EPHA6: variants seen among roughly 807,000 people sequenced by gnomAD.
The protein encoded by EPHA6 is ephrin type-A receptor 6.
Under a neutral mutation model 112.0 loss-of-function variants are expected in EPHA6, and 50 were observed. That is an observed-to-expected ratio of 0.45 (90% CI 0.36 to 0.56). The LOEUF (loss-of-function observed/expected upper bound fraction) is 0.56, where lower values mean the gene tolerates loss of function less well. EPHA6 is among the 20% of genes least tolerant of loss of function. EPHA6 has a pLI of 0.00. For synonymous variants in EPHA6, 529 were observed against 490.7 expected, an observed-to-expected ratio of 1.08 and a Z score of -1.03; for missense variants, 1,280 against 1,417.4, an observed-to-expected ratio of 0.90 and a Z score of 1.56.
intron 10 of EPHA6, among the ~76,000 whole-genome samples, chr3:97,497,799 A>G (rs1347720599): frequency 1.3e-5 from 2 of 152,012 alleles, no homozygotes; most frequent in African/African-American, 2.4e-5. Flanking sequence ...AAAAGAATGC[A>G]TCAGACTCTC....
rs970749732 is a variant in EPHA6, at chr3:96,847,653, G to T, written c.386-19172G>T. 5.3e-5 allele frequency among the ~76,000 whole-genome samples: 8 copies of T among 152,058 alleles called. No individual in the cohort carries two copies. In the East Asian group the frequency reaches 1.5e-3, roughly 29 times the overall value. On this transcript the variant is annotated intron_variant, in intron 1 of 17. Coordinates refer to ENST00000389672, the MANE Select transcript of EPHA6 (RefSeq NM_001080448.3). Reference sequence around the variant, plus strand: ...TCTAGGGTTGTAATCTTTAAGAAGAGAATTATACAAGAAGTTATTTTTGCT... The same window carrying T: ...TCTAGGGTTGTAATCTTTAAGAAGATAATTATACAAGAAGTTATTTTTGCT...
At chr3:96,989,111 T>C (rs2043126482) in intron 3 of EPHA6, among the ~76,000 whole-genome samples, 1 of 152,184 alleles carries the variant, frequency 6.6e-6, no homozygotes, top group African/African-American at 2.4e-5. Context: ...CTTGAGTTTA[T>C]TGATTTCTTT....
At position 97,405,161 on chromosome 3, in the gene EPHA6, A is replaced by T; in HGVS notation, c.1618A>T (p.Ile540Leu). 1.3e-6 allele frequency: 2 copies of T among 1,598,326 alleles called. No homozygotes were observed. Among genetic ancestry groups the T allele is most frequent in the Non-Finnish European group, 1.7e-6 (2 of 1,171,110 alleles). ...TTCTTTCCTTTCAGCACCTTCCCTG[A>T]TAGGTGTGGTAAGGAAGGACTGGGC... ...VTTDQDAPSLIGVVRKDWASQ... is the reference protein window; with the variant it reads ...VTTDQDAPSLLGVVRKDWASQ... Residue 540 changes from isoleucine to leucine, a missense_variant, in exon 6 of 18, where the codon ATA (isoleucine) becomes TTA (leucine). Coordinates refer to ENST00000389672, the MANE Select transcript of EPHA6 (RefSeq NM_001080448.3).
intron 14 of EPHA6, among the ~76,000 whole-genome samples, chr3:97,662,576 C>T (rs543343084): frequency 2.4e-4 from 37 of 152,212 alleles, no homozygotes; most frequent in Admixed American, 1.7e-3. Context: ...AAATATTCTC[C>T]GCTCCTCCTT....
chr3:97,568,317 G>A (rs1433957104), intron 11 of EPHA6, among the ~76,000 whole-genome samples: 1 of 152,104 alleles, frequency 6.6e-6, no homozygotes, highest in Non-Finnish European at 1.5e-5. Context: ...TTATCCTCCA[G>A]TTCATCCTAT....
At chr3:97,258,372 G>C (rs2079388066) in intron 5 of EPHA6, among the ~76,000 whole-genome samples, 1 of 151,808 alleles carries the variant, frequency 6.6e-6, no homozygotes. Flanking sequence ...TTTGCCCCTT[G>C]GTGGTAAAGT....
rs1382242123 is a variant in EPHA6, at chr3:97,244,306, C to A, written c.1606+19C>A. On this transcript the variant is annotated intron_variant, in intron 5 of 17. Coordinates refer to ENST00000389672, the MANE Select transcript of EPHA6 (RefSeq NM_001080448.3). ...CAAGATGGTAAGTTCCACTGCTGTT[C>A]TCTCAAAACAGACCCATAATTTCTT... 3 of 1,602,588 alleles carry A rather than the reference C, an allele frequency of 1.9e-6. No individual in the cohort carries two copies. In the South Asian group the frequency reaches 3.3e-5, roughly 18 times the overall value.
intron 11 of EPHA6, among the ~76,000 whole-genome samples, chr3:97,568,099 TGTAA>T (rs1376904967): frequency 2.0e-5 from 3 of 152,330 alleles, no homozygotes; most frequent in East Asian, 3.9e-4. Flanking sequence ...AAAGACTTGC[TGTAA>T]GCCTGGGCCC....
chr3:97,126,427 G>A (rs963112018), intron 3 of EPHA6, among the ~76,000 whole-genome samples: 1 of 152,100 alleles, frequency 6.6e-6, no homozygotes, highest in South Asian at 2.1e-4. Context: ...CAAAAAGCAC[G>A]ATGAAAAAGT....
At chr3:97,084,515 C>A (rs763431197) in intron 3 of EPHA6, among the ~76,000 whole-genome samples, 1 of 151,934 alleles carries the variant, frequency 6.6e-6, no homozygotes, top group African/African-American at 2.4e-5. Context: ...CAACAACAGG[C>A]AAAACTTTAA....
intron 2 of EPHA6, among the ~76,000 whole-genome samples, chr3:96,917,125 A>C (rs189002097): frequency 3.2e-4 from 49 of 152,242 alleles, no homozygotes; most frequent in Non-Finnish European, 5.1e-4. Context: ...CACACAAACA[A>C]ACACACATTT....
intron 2 of EPHA6, among the ~76,000 whole-genome samples, chr3:96,917,099 A>G (rs2039519408): frequency 6.6e-6 from 1 of 151,966 alleles, no homozygotes; most frequent in African/African-American, 2.4e-5. Flanking sequence ...TATTGTTCAT[A>G]TTGCAACCCA....
At chr3:97,075,595 T>G (rs2046491357) in intron 3 of EPHA6, among the ~76,000 whole-genome samples, 1 of 152,060 alleles carries the variant, frequency 6.6e-6, no homozygotes, top group African/African-American at 2.4e-5. Flanking sequence ...AGGATACATG[T>G]ATAATGGAAA....
chr3:97,130,261 C>T lies in EPHA6; in HGVS notation c.1115-96003C>T, dbSNP rs533282176. 5.3e-5 allele frequency among the ~76,000 whole-genome samples: 8 copies of T among 151,962 alleles called. No individual in the cohort carries two copies. The South Asian group carries it at 6.2e-4, about 12-fold the overall frequency. ...CCCTTCCTACATTCTCTTACCATCT[C>T]GGGGTTGTTTTTTTCTCTTTTTCTT... On this transcript the variant is annotated intron_variant, in intron 3 of 17. Coordinates refer to ENST00000389672, the MANE Select transcript of EPHA6 (RefSeq NM_001080448.3).
At chr3:97,567,825 G>T (rs1253885662) in intron 11 of EPHA6, among the ~76,000 whole-genome samples, 1 of 152,108 alleles carries the variant, frequency 6.6e-6, no homozygotes, top group Non-Finnish European at 1.5e-5. Context: ...GCTATGCAAG[G>T]CCTCCTGGGA....
intron 2 of EPHA6, among the ~76,000 whole-genome samples, chr3:96,919,694 GTGT>G (rs1389265043): frequency 6.6e-6 from 1 of 151,832 alleles, no homozygotes; most frequent in African/African-American, 2.4e-5. Context: ...GTAGAAATGT[GTGT>G]CCATCTCCAA....
chr3:97,161,123 A>G (rs1194164722), intron 3 of EPHA6, among the ~76,000 whole-genome samples: 1 of 152,064 alleles, frequency 6.6e-6, no homozygotes, highest in African/African-American at 2.4e-5. Flanking sequence ...TGCATGCCCA[A>G]CTTTATGGCT....
chr3:97,069,676 A>G (rs980665983), intron 3 of EPHA6, among the ~76,000 whole-genome samples: 3 of 152,172 alleles, frequency 2.0e-5, no homozygotes, highest in Admixed American at 6.6e-5. Flanking sequence ...ACAGCTGTAA[A>G]CACAATAAAG....
intron 14 of EPHA6, among the ~76,000 whole-genome samples, chr3:97,672,732 G>A (rs1379085102): frequency 1.3e-5 from 2 of 152,144 alleles, no homozygotes; most frequent in Non-Finnish European, 2.9e-5. Context: ...ATTGGAATGA[G>A]TTCTTCTTAA....
Sources: gnomAD v4.1 joint callset for allele counts (sites outside exome capture counted in the v4.1 genomes callset) on GRCh38, gnomAD v4.1.1 for gene constraint, MANE v1.5 for transcripts, NCBI Gene and HGNC (gene_info 2026-07-23, HGNC 2026-07-21) for gene names.